Variants in ABLIM3 observed in about 807,000 individuals in gnomAD.
ABLIM3 encodes actin binding LIM protein family member 3, also known as actin-binding LIM protein 3.
In ABLIM3, 61 loss-of-function variants were observed where a neutral mutation model predicts 109.5. The ratio of observed to expected loss-of-function variants is 0.56; its 90% CI spans 0.45 to 0.69. The LOEUF (loss-of-function observed/expected upper bound fraction) is 0.69. ABLIM3 is among the 30% of genes least tolerant of loss of function. ABLIM3 has a pLI of 0.00. For missense variants in ABLIM3, 796 were observed against 889.5 expected (o/e 0.89, Z 1.34); for synonymous variants, 300 against 324.8 (o/e 0.92, Z 0.82).
At position 149,147,004 on chromosome 5, in the gene ABLIM3, T is replaced by A. The variant is rs146017684; in HGVS notation, c.13+4896T>A. ...TCTGATTTATTTCAGTGGTGTTTTG[T>A]AGTTCTCCTCGAAGAGATCTTTCAC... On this transcript the variant is annotated intron_variant, in intron 2 of 23. Coordinates refer to ENST00000309868, the MANE Select transcript of ABLIM3 (RefSeq NM_014945.5). 4.3e-3 allele frequency among the ~76,000 whole-genome samples: 650 copies of A among 152,330 alleles called. 2 individuals carry two copies. Among genetic ancestry groups the A allele is most frequent in the African/African-American group, 0.015 (609 of 41,576 alleles).
chr5:149,161,520 G>A (rs1754362996), intron 2 of ABLIM3, among the ~76,000 whole-genome samples: 1 of 152,236 alleles, frequency 6.6e-6, no homozygotes, highest in African/African-American at 2.4e-5. Context: ...CCCTGTGCCA[G>A]TGAGTTTGGG....
chr5:149,163,130 G>GC (rs1754527393), intron 2 of ABLIM3, among the ~76,000 whole-genome samples: 1 of 152,206 alleles, frequency 6.6e-6, no homozygotes, highest in Non-Finnish European at 1.5e-5. Flanking sequence ...TCATTGAATG[G>GC]TTTTAAGTTG....
In ABLIM3 at chr5:149,200,254, T is replaced by G. The variant is rs540375844; in HGVS notation, c.336-62T>G. On this transcript the variant is annotated intron_variant, in intron 4 of 23. Coordinates refer to ENST00000309868, the MANE Select transcript of ABLIM3 (RefSeq NM_014945.5). ...TACCAAAGTGCTTTGAGCACATGTGTGGTCAGCTACAGAATCCCTCAGAAG... is the reference window on the plus strand; with the variant it reads ...TACCAAAGTGCTTTGAGCACATGTGGGGTCAGCTACAGAATCCCTCAGAAG... 1,892 of 1,429,216 alleles carry G rather than the reference T, an allele frequency of 1.3e-3. 3 individuals are homozygous for G. Among genetic ancestry groups the G allele is most frequent in the Non-Finnish European group, 1.8e-3 (1,790 of 1,013,282 alleles). The allele number at this position is 1,429,216 out of a possible 1,614,324, so 88.5% of individuals were successfully genotyped here. A position where few individuals can be genotyped will look rare whatever the true frequency, so the allele number is the denominator to read the frequency against.
chr5:149,238,407 T>A (rs1346952850), intron 11 of ABLIM3, among the ~76,000 whole-genome samples: 1 of 152,112 alleles, frequency 6.6e-6, no homozygotes, highest in African/African-American at 2.4e-5. Flanking sequence ...CCTAAGGGAT[T>A]TGGGTTCCAT....
intron 13 of ABLIM3, 146 bp downstream of exon 13, chr5:149,240,034 C>T (rs1752650361): frequency 8.4e-7 from 1 of 1,185,880 alleles, no homozygotes. Flanking sequence ...CCCAGGTGAC[C>T]AGCTGGGCCT....
intron 3 of ABLIM3, among the ~76,000 whole-genome samples, chr5:149,196,255 A>C (rs559967261): frequency 1.4e-4 from 22 of 152,352 alleles, no homozygotes; most frequent in Middle Eastern, 3.4e-3. Context: ...TATTTCTGGC[A>C]TTCACCTGGC....
chr5:149,223,841 A>T (rs551350222), intron 8 of ABLIM3, among the ~76,000 whole-genome samples: 17 of 152,292 alleles, frequency 1.1e-4, no homozygotes, highest in African/African-American at 4.1e-4. Flanking sequence ...TCCCATCTGT[A>T]AAGAGGGATG....
intron 19 of ABLIM3, 143 bp downstream of exon 19, chr5:149,249,987 A>T: frequency 9.4e-7 from 1 of 1,066,324 alleles, no homozygotes; most frequent in Non-Finnish European, 1.4e-6. Context: ...ACTCCATTGT[A>T]TTTGTCAGAT....
chr5:149,207,384 G>A (rs1241525867), intron 6 of ABLIM3, among the ~76,000 whole-genome samples: 1 of 151,882 alleles, frequency 6.6e-6, no homozygotes, highest in Non-Finnish European at 1.5e-5. Flanking sequence ...TCTGGTCTCG[G>A]TCCCCATGCC....
chr5:149,153,054 ACT>A (rs1554079937), intron 2 of ABLIM3, among the ~76,000 whole-genome samples: 2 of 151,842 alleles, frequency 1.3e-5, no homozygotes, highest in Non-Finnish European at 2.9e-5. Flanking sequence ...TGAAAAGCCC[ACT>A]CTCTCTAATA....
intron 8 of ABLIM3, chr5:149,218,009 G>C (rs1183030995): frequency 6.6e-6 from 1 of 152,294 alleles, no homozygotes; most frequent in Non-Finnish European, 1.5e-5. Context: ...AGAAGTGTGG[G>C]CCTTTGAGAG....
chr5:149,259,162 G>T lies in ABLIM3; in HGVS notation c.*758G>T. 9.7e-7 allele frequency: 1 copy of T among 1,028,104 alleles called. No individual in the cohort carries two copies. Among genetic ancestry groups the T allele is most frequent in the Non-Finnish European group, 1.2e-6 (1 of 857,676 alleles). The allele number at this position is 1,028,104 out of a possible 1,614,324, so 63.7% of individuals were successfully genotyped here. A position where few individuals can be genotyped will look rare whatever the true frequency, so the allele number is the denominator to read the frequency against. Reference sequence around the variant, plus strand: ...ACTTGGAGAACCAGAGGAAAAGAGAGGGAGCGGAAGTGGGAGATGGAGCAG... The same window carrying T: ...ACTTGGAGAACCAGAGGAAAAGAGATGGAGCGGAAGTGGGAGATGGAGCAG... On this transcript the variant is annotated 3_prime_UTR_variant, in exon 24 of 24. Transcript: ENST00000309868.
At chr5:149,225,982 G>GTGTATA (rs1272837276) in intron 8 of ABLIM3, among the ~76,000 whole-genome samples, 43 of 45,512 alleles carry the variant, frequency 9.4e-4, no homozygotes, top group Admixed American at 1.9e-3. Flanking sequence ...GTGTGTGTGT[G>GTGTATA]TATATATATA....
At chr5:149,254,131 G>A (rs1028362236) in intron 23 of ABLIM3, among the ~76,000 whole-genome samples, 3 of 152,110 alleles carry the variant, frequency 2.0e-5, no homozygotes, top group South Asian at 2.1e-4. Flanking sequence ...TCCTTGACAC[G>A]TGGGGATTAT....
chr5:149,217,696 G>C (rs1462195351), intron 8 of ABLIM3: 2 of 152,416 alleles, frequency 1.3e-5, no homozygotes, highest in African/African-American at 4.8e-5. Flanking sequence ...GCACTGCCCT[G>C]CTCTTCAGAG....
intron 2 of ABLIM3, among the ~76,000 whole-genome samples, chr5:149,181,036 T>C (rs766432350): frequency 8.5e-5 from 13 of 152,234 alleles, no homozygotes; most frequent in Non-Finnish European, 1.6e-4. Context: ...GCAATGATCC[T>C]GGAGGGACTG....
rs1464588132 is a variant in ABLIM3 at position 149,242,482 on chromosome 5, G to C, written c.1304-9G>C. ...CCTCCCCACTGTCCCTTCCTGGTCT[G>C]TCTGGCAGCTGGAGACAGTAACATC... On this transcript the variant is annotated splice_polypyrimidine_tract_variant and intron_variant, in intron 14 of 23. Coordinates refer to ENST00000309868, the MANE Select transcript of ABLIM3 (RefSeq NM_014945.5). 3 of 1,613,852 alleles carry C rather than the reference G, an allele frequency of 1.9e-6. No individual in the cohort carries two copies. The African/African-American group carries it at 4.0e-5, about 22-fold the overall frequency.
Position 149,224,486 on chromosome 5 carries a change from C to T in ABLIM3, c.758-6163C>T, listed in dbSNP as rs1012397805. 5.3e-5 allele frequency among the ~76,000 whole-genome samples: 8 copies of T among 152,326 alleles called. No homozygotes were observed. In the East Asian group the frequency reaches 1.5e-3, roughly 29 times the overall value. On this transcript the variant is annotated intron_variant, in intron 8 of 23. Coordinates refer to ENST00000309868, the MANE Select transcript of ABLIM3 (RefSeq NM_014945.5). ...CCCGAGGTGCCCTTGTCCCTGGGCA[C>T]AAGCCCAACCTCCCAGGAGGGTGCG... is the stretch of plus-strand genomic sequence containing the variant.
At chr5:149,254,909 C>A (rs1047684833) in intron 23 of ABLIM3, among the ~76,000 whole-genome samples, 2 of 152,154 alleles carry the variant, frequency 1.3e-5, no homozygotes, top group African/African-American at 4.8e-5. Flanking sequence ...TTTTTAAAAG[C>A]ACCCAAGGAT....
Sources: allele counts gnomAD v4.1 joint callset (sites outside exome capture counted in the v4.1 genomes callset), GRCh38; gene constraint gnomAD v4.1.1; transcripts MANE v1.5; gene names NCBI Gene and HGNC (gene_info 2026-07-23, HGNC 2026-07-21).